SNRPD3: variants seen among roughly 807,000 people sequenced by gnomAD.
The protein encoded by SNRPD3 is small nuclear ribonucleoprotein D3 polypeptide, also known as small nuclear ribonucleoprotein Sm D3.
For missense variants in SNRPD3, 73 were observed against 167.5 expected (o/e 0.44, Z 3.11); for synonymous variants, 66 against 58.4 (o/e 1.13, Z -0.59).
At chr22:24,560,735 T>C (rs28795474) in intron 2 of SNRPD3, among the ~76,000 whole-genome samples, 19,250 of 127,504 alleles carry the variant, frequency 0.15, 2,808 homozygotes, top group Admixed American at 0.28. Context: ...TTTTTTTTTT[T>C]TTTTTTTTTT....
At chr22:24,562,027 G>A (rs566648227) in intron 2 of SNRPD3, among the ~76,000 whole-genome samples, 47 of 151,794 alleles carry the variant, frequency 3.1e-4, no homozygotes, top group African/African-American at 9.9e-4. Flanking sequence ...ACACCACAAC[G>A]ATTCGGAAAA....
chr22:24,556,825 C>T (rs2045075834), intron 1 of SNRPD3, among the ~76,000 whole-genome samples: 1 of 152,198 alleles, frequency 6.6e-6, no homozygotes, highest in African/African-American at 2.4e-5. Context: ...GTCTTAGGTA[C>T]GCTTAAGTTG....
chr22:24,567,937 G>A (rs1353461211), intron 2 of SNRPD3, 47 bp from the exon 3 acceptor site: 14 of 1,475,198 alleles, frequency 9.5e-6, no homozygotes, highest in Admixed American at 5.8e-5. Context: ...CCTCCCCACC[G>A]CTGGTGCTGT....
At position 24,572,397 on chromosome 22, in the gene SNRPD3, A is replaced by G; in HGVS notation, c.*420A>G. 2.1e-6 allele frequency: 1 copy of G among 467,766 alleles called. No individual in the cohort carries two copies. The highest frequency in any genetic ancestry group is 2.4e-5 in the South Asian group (1 of 41,904). The allele number at this position is 467,766 out of a possible 1,614,324, so 29.0% of individuals were successfully genotyped here. ...AGGCACATAGTGTGGCACTTTGTTC[A>G]GTTAACATTTGTGGAGCTGTCATCA... On this transcript the variant is annotated 3_prime_UTR_variant, in exon 4 of 4. Coordinates refer to ENST00000215829, the MANE Select transcript of SNRPD3 (RefSeq NM_004175.5).
intron 3 of SNRPD3, among the ~76,000 whole-genome samples, chr22:24,568,719 G>GCTACTTTTTGTATTTTT (rs551112756): frequency 0.037 from 5,670 of 151,808 alleles, 152 homozygotes; most frequent in Middle Eastern, 0.055. Context: ...ACTGCGCCGG[G>GCTACTTTTTGTATTTTT]CTACTTTTTG....
rs2045055169 is a variant in SNRPD3 at position 24,556,011 on chromosome 22, C to G, written c.-79C>G. On this transcript the variant is annotated 5_prime_UTR_variant, in exon 1 of 4. Transcript: ENST00000215829. Reference sequence around the variant, plus strand: ...TGTTAGGCCCGCCATTCGCTTGACTCACGCCTTCGCCGTAGCATCTTTCGC... The same window carrying G: ...TGTTAGGCCCGCCATTCGCTTGACTGACGCCTTCGCCGTAGCATCTTTCGC... 4.7e-6 allele frequency: 3 copies of G among 640,178 alleles called. No homozygotes were observed. Among genetic ancestry groups the G allele is most frequent in the African/African-American group, 1.8e-5 (1 of 54,718 alleles). 39.7% of individuals were successfully genotyped at this position (640,178 alleles called of 1,614,324 possible).
intron 2 of SNRPD3, among the ~76,000 whole-genome samples, chr22:24,558,786 G>T (rs530187642): frequency 6.6e-6 from 1 of 152,318 alleles, no homozygotes; most frequent in South Asian, 2.1e-4. Flanking sequence ...TTGCTCGTTA[G>T]AAGAGTCTAG....
In SNRPD3 at chr22:24,573,409, A is replaced by G. The variant is rs1317463509; in HGVS notation, c.*1432A>G. Among the ~76,000 whole-genome samples the G allele has an allele frequency of 1.3e-5, 2 of 152,232 alleles. No homozygotes were observed. Among genetic ancestry groups the G allele is most frequent in the African/African-American group, 4.8e-5 (2 of 41,460 alleles). ...GCTTTTAGAATATTGCTCATTGAACAGATTATTCAAGTAATGAAAGAGGAG... is the reference window on the plus strand; with the variant it reads ...GCTTTTAGAATATTGCTCATTGAACGGATTATTCAAGTAATGAAAGAGGAG... On this transcript the variant is annotated 3_prime_UTR_variant, in exon 4 of 4. Transcript: ENST00000215829.
chr22:24,559,887 C>T (rs2045115958), intron 2 of SNRPD3, among the ~76,000 whole-genome samples: 1 of 152,006 alleles, frequency 6.6e-6, no homozygotes, highest in Non-Finnish European at 1.5e-5. Context: ...AAGGTGTTGG[C>T]AAGGCTGGTT....
In SNRPD3 at chr22:24,572,243, T is replaced by G; in HGVS notation, c.*266T>G. On this transcript the variant is annotated 3_prime_UTR_variant, in exon 4 of 4. Coordinates refer to ENST00000215829, the MANE Select transcript of SNRPD3 (RefSeq NM_004175.5). Reference sequence around the variant, plus strand: ...ATGTCCTGGGAGAATGCCAGTACTTTGAAATAGCACAGCTATTGATGAGAT... The same window carrying G: ...ATGTCCTGGGAGAATGCCAGTACTTGGAAATAGCACAGCTATTGATGAGAT... 1 of 631,058 alleles carries G rather than the reference T, an allele frequency of 1.6e-6. No homozygotes were observed. The highest frequency in any genetic ancestry group is 2.0e-5 in the South Asian group (1 of 50,886). The allele number at this position is 631,058 out of a possible 1,614,324, so 39.1% of individuals were successfully genotyped here. A position where few individuals can be genotyped will look rare whatever the true frequency, so the allele number is the denominator to read the frequency against.
At chr22:24,556,748 G>A (rs1397822071) in intron 1 of SNRPD3, among the ~76,000 whole-genome samples, 2 of 152,182 alleles carry the variant, frequency 1.3e-5, no homozygotes, top group Non-Finnish European at 2.9e-5. Context: ...ATAAAATCTA[G>A]ACTCCTAAGG....
intron 2 of SNRPD3, among the ~76,000 whole-genome samples, chr22:24,562,338 G>A (rs533052801): frequency 1.3e-5 from 2 of 152,204 alleles, no homozygotes; most frequent in East Asian, 3.9e-4. Flanking sequence ...TCAGGAGATT[G>A]AGACCAGCCT....
intron 2 of SNRPD3, among the ~76,000 whole-genome samples, chr22:24,566,124 G>A (rs2045194521): frequency 6.6e-6 from 1 of 152,190 alleles, no homozygotes; most frequent in Non-Finnish European, 1.5e-5. Context: ...TTTAATAACA[G>A]GCTGGGAGTG....
intron 2 of SNRPD3, among the ~76,000 whole-genome samples, chr22:24,564,620 A>T (rs911756433): frequency 3.9e-5 from 6 of 152,212 alleles, no homozygotes; most frequent in African/African-American, 1.4e-4. Flanking sequence ...TAGGGTTAAA[A>T]TAGGAGTCAG....
intron 2 of SNRPD3, among the ~76,000 whole-genome samples, chr22:24,559,484 G>C (rs953596984): frequency 6.6e-6 from 1 of 152,120 alleles, no homozygotes; most frequent in African/African-American, 2.4e-5. Context: ...CAACTTGCTG[G>C]GTTTCCAGGG....
chr22:24,566,318 C>G (rs1398852119), intron 2 of SNRPD3, among the ~76,000 whole-genome samples: 3 of 152,172 alleles, frequency 2.0e-5, no homozygotes, highest in Non-Finnish European at 4.4e-5. Context: ...GTGGCCCAGG[C>G]TAGGGTGCAG....
intron 3 of SNRPD3, among the ~76,000 whole-genome samples, chr22:24,569,917 G>A (rs5760479): frequency 0.93 from 141,990 of 152,328 alleles, 66,621 homozygotes; most frequent in Non-Finnish European, 0.99. Flanking sequence ...GCACATGGAT[G>A]AGTTCTTGTT....
At chr22:24,563,423 G>T (rs144247628) in intron 2 of SNRPD3, among the ~76,000 whole-genome samples, 1 of 151,994 alleles carries the variant, frequency 6.6e-6, no homozygotes, top group Non-Finnish European at 1.5e-5. Flanking sequence ...GGGAAGGCAG[G>T]GAGCTTTTGT....
At chr22:24,565,463 T>C (rs1190350507) in intron 2 of SNRPD3, among the ~76,000 whole-genome samples, 1 of 152,112 alleles carries the variant, frequency 6.6e-6, no homozygotes, top group Non-Finnish European at 1.5e-5. Context: ...AACTGTTGGC[T>C]TTGTTGTCTT....
Sources: gnomAD v4.1 joint callset for allele counts (sites outside exome capture counted in the v4.1 genomes callset) on GRCh38, gnomAD v4.1.1 for gene constraint, MANE v1.5 for transcripts, NCBI Gene and HGNC (gene_info 2026-07-23, HGNC 2026-07-21) for gene names.